Variants in TTC31 observed in about 807,000 individuals in gnomAD.
TTC31 encodes the protein tetratricopeptide repeat domain 31, also known as tetratricopeptide repeat protein 31.
A neutral mutation model predicts 60.4 loss-of-function variants in TTC31; 59 were observed. The observed-to-expected ratio is 0.98, with a 90% CI of 0.79 to 1.21. TTC31 has a LOEUF of 1.21. Ranked by LOEUF, TTC31 falls within the 50% of genes most tolerant of loss-of-function variation. TTC31 has a pLI of 0.00. For missense variants in TTC31, 672 were observed against 646.9 expected (o/e 1.04, Z -0.42); for synonymous variants, 225 against 249.6 (o/e 0.90, Z 0.93).
In TTC31 at chr2:74,490,363, C is replaced by G. The variant is rs200350242; in HGVS notation, c.352C>G (p.Gln118Glu). Reference protein sequence around the residue: ...GLRKSFLYPPQESEPCPQSPS... With the variant: ...GLRKSFLYPPEESEPCPQSPS... ...CCGCAAGTCCTTCCTGTATCCTCCC[C>G]AAGAGTCTGAGCCCTGCCCTCAAAG... Residue 118 changes from glutamine to glutamate, a missense_variant, in exon 4 of 13, where the codon CAA becomes GAA. Physicochemically the swap from Gln to Glu is conservative, Grantham distance 29. Transcript: ENST00000233623. The G allele has an allele frequency of 5.6e-6, 9 of 1,614,138 alleles. No individual in the cohort carries two copies. In the African/African-American group the frequency reaches 8.0e-5, roughly 14 times the overall value.
intron 2 of TTC31, among the ~76,000 whole-genome samples, chr2:74,488,113 T>C (rs932903019): frequency 6.6e-6 from 1 of 152,178 alleles, no homozygotes; most frequent in African/African-American, 2.4e-5. Flanking sequence ...TAGCTGGGAC[T>C]ATAGGCGTCC....
intron 2 of TTC31, among the ~76,000 whole-genome samples, chr2:74,485,173 C>A (rs1403719644): frequency 6.6e-6 from 1 of 151,868 alleles, no homozygotes; most frequent in African/African-American, 2.4e-5. Flanking sequence ...ATGGCAGACA[C>A]CCACCACCAC....
chr2:74,490,203 C>G lies in TTC31; in HGVS notation c.233-41C>G, dbSNP rs765351305. 10 of 1,611,732 alleles carry G rather than the reference C, an allele frequency of 6.2e-6. No homozygotes were observed. The South Asian group carries it at 8.8e-5, about 14-fold the overall frequency. On this transcript the variant is annotated intron_variant, in intron 3 of 12. Transcript: ENST00000233623. ...GGCTGACCCTCAGATGCACCCCGCT[C>G]TCATGTCCTTTCTTTCCTGTCTCTT... is the stretch of plus-strand genomic sequence containing the variant.
chr2:74,485,100 C>T (rs1672942227), intron 2 of TTC31, among the ~76,000 whole-genome samples: 1 of 149,210 alleles, frequency 6.7e-6, no homozygotes, highest in Non-Finnish European at 1.5e-5. Flanking sequence ...CATCTCTACT[C>T]ACTGCAACCT....
Position 74,493,282 on chromosome 2 carries a change from G to C in TTC31, c.*64G>C. 6.6e-7 allele frequency: 1 copy of C among 1,525,244 alleles called. No homozygotes were observed. 94.5% of individuals were successfully genotyped at this position (1,525,244 alleles called of 1,614,324 possible). ...ATCCCTTGGTGGGGGACATAGTGTG[G>C]TGACAGTTCACTGCATATTTTGAGA... On this transcript the variant is annotated 3_prime_UTR_variant, in exon 13 of 13. Transcript: ENST00000233623.
chr2:74,486,820 G>C (rs1673164054), intron 2 of TTC31, among the ~76,000 whole-genome samples: 2 of 151,998 alleles, frequency 1.3e-5, no homozygotes, highest in Non-Finnish European at 2.9e-5. Flanking sequence ...TTGAACCCTG[G>C]AGGCGGAGGT....
chr2:74,490,749 G>A lies in TTC31; in HGVS notation c.546+10G>A. 1 of 1,610,788 alleles carries A rather than the reference G, an allele frequency of 6.2e-7. No homozygotes were observed. The highest frequency in any genetic ancestry group is 8.5e-7 in the Non-Finnish European group (1 of 1,178,446). ...GCGACTCAAGAAGAAGGTGGCTAGA[G>A]CATGGCTGGAGGGTGCAGGGGAGCC... On this transcript the variant is annotated intron_variant, in intron 5 of 12. Coordinates refer to ENST00000233623, the MANE Select transcript of TTC31 (RefSeq NM_022492.6).
At chr2:74,492,109 C>T in intron 9 of TTC31, 30 bp from the exon 10 acceptor site, 1 of 1,614,186 alleles carries the variant, frequency 6.2e-7, no homozygotes, top group Non-Finnish European at 8.5e-7. Context: ...GTAGCCCCAT[C>T]TGAACCTTCT....
chr2:74,490,851 T>G, intron 5 of TTC31, 112 bp downstream of exon 5: 4 of 1,165,370 alleles, frequency 3.4e-6, no homozygotes, highest in Non-Finnish European at 4.9e-6. Flanking sequence ...GTGGACTCTC[T>G]TGCCAGGAGG....
At position 74,490,887 on chromosome 2, in the gene TTC31, G is replaced by T. The variant is rs12469716; in HGVS notation, c.546+148G>T. 4.3e-6 allele frequency: 4 copies of T among 929,290 alleles called. No homozygotes were observed. In the Admixed American group the frequency reaches 1.0e-4, roughly 24 times the overall value. The allele number at this position is 929,290 out of a possible 1,614,324, so 57.6% of individuals were successfully genotyped here. A position where few individuals can be genotyped will look rare whatever the true frequency, so the allele number is the denominator to read the frequency against. On this transcript the variant is annotated intron_variant, in intron 5 of 12. Coordinates refer to ENST00000233623, the MANE Select transcript of TTC31 (RefSeq NM_022492.6). ...ACACAAGGGGCCCAGGGACTGGGGG[G>T]TCTCTCACAGGCCATCTGGTGCAGT...
At chr2:74,486,631 G>A (rs1180100431) in intron 2 of TTC31, among the ~76,000 whole-genome samples, 3 of 152,252 alleles carry the variant, frequency 2.0e-5, no homozygotes, top group South Asian at 2.1e-4. Flanking sequence ...GGTGGCTCAC[G>A]CCTGTAATCC....
Position 74,487,659 on chromosome 2 carries a change from T to C in TTC31, c.130-2366T>C, listed in dbSNP as rs577419640. 4.6e-5 allele frequency among the ~76,000 whole-genome samples: 7 copies of C among 152,048 alleles called. No homozygotes were observed. The South Asian group carries it at 1.5e-3, about 32-fold the overall frequency. On this transcript the variant is annotated intron_variant, in intron 2 of 12. Coordinates refer to ENST00000233623, the MANE Select transcript of TTC31 (RefSeq NM_022492.6). ...CTGACATGGGGCAGAGAGCATGCTT[T>C]ATTTATTTATTATTAATTAATTAAT...
chr2:74,492,366 A>G lies in TTC31; in HGVS notation c.1082A>G (p.Asp361Gly). 6.4e-7 allele frequency: 1 copy of G among 1,551,042 alleles called. No individual in the cohort carries two copies. Among genetic ancestry groups the G allele is most frequent in the Non-Finnish European group, 8.7e-7 (1 of 1,147,518 alleles). ...RLGQPAWALA[D>G]AQVALTLRPG... is the part of the protein sequence containing the mutation. ...GGTCAGCCAGCGTGGGCCCTGGCTG[A>G]TGCCCAGGTGGCCCTTACCCTACGG... Residue 361 changes from aspartate to glycine, a missense_variant, in exon 11 of 13, where the codon GAT becomes GGT. Physicochemically the swap from Asp to Gly is moderately conservative, Grantham distance 94. Transcript: ENST00000233623.
intron 2 of TTC31, chr2:74,483,854 G>A: frequency 4.8e-6 from 1 of 208,600 alleles, no homozygotes. Flanking sequence ...GGTGGGTGGG[G>A]GATCTCTTGA....
rs1674200535 is a variant in TTC31, at chr2:74,493,778, G to GACCAC, written c.*560_*561insACCAC. ...CTGACCTCTCTTGTCCAGTGGTCTGGTGCTCACCTCCTCTCACTGCTAGAA... is the reference window on the plus strand; with the variant it reads ...CTGACCTCTCTTGTCCAGTGGTCTGGACCACTGCTCACCTCCTCTCACTGCTAGAA... On this transcript the variant is annotated 3_prime_UTR_variant, in exon 13 of 13. Transcript: ENST00000233623. 1 of 152,824 alleles carries GACCAC rather than the reference G, an allele frequency of 6.5e-6. No homozygotes were observed. Among genetic ancestry groups the GACCAC allele is most frequent in the Admixed American group, 6.5e-5 (1 of 15,320 alleles). 9.5% of individuals were successfully genotyped at this position (152,824 alleles called of 1,614,324 possible).
At chr2:74,491,928 A>T in intron 8 of TTC31, 76 bp from the exon 9 acceptor site, 1 of 1,608,050 alleles carries the variant, frequency 6.2e-7, no homozygotes, top group Non-Finnish European at 8.5e-7. Flanking sequence ...TTGCAGTGTT[A>T]CCTGTTTAAA....
intron 2 of TTC31, chr2:74,483,771 GTTA>G (rs1389428035): frequency 2.6e-6 from 1 of 387,408 alleles, no homozygotes. Context: ...GAGCCCAGGA[GTTA>G]GAGACCAGCC....
At position 74,490,748 on chromosome 2, in the gene TTC31, A is replaced by G; in HGVS notation, c.546+9A>G. On this transcript the variant is annotated intron_variant, in intron 5 of 12. Transcript: ENST00000233623. ...AGCGACTCAAGAAGAAGGTGGCTAG[A>G]GCATGGCTGGAGGGTGCAGGGGAGC... 1 of 1,611,042 alleles carries G rather than the reference A, an allele frequency of 6.2e-7. No individual in the cohort carries two copies. Among genetic ancestry groups the G allele is most frequent in the Non-Finnish European group, 8.5e-7 (1 of 1,178,576 alleles).
chr2:74,490,250 T>C lies in TTC31; in HGVS notation c.239T>C (p.Leu80Pro). The C allele has an allele frequency of 6.2e-7, 1 of 1,613,788 alleles. No homozygotes were observed. Among genetic ancestry groups the C allele is most frequent in the South Asian group, 1.1e-5 (1 of 91,062 alleles). ...GRLQLWHHDY[L>P]LGHLDDEGKS... ...TCTTTCTCCCTCCTGACAGATTACC[T>C]CCTGGGCCACTTGGATGATGAAGGG... Residue 80 changes from leucine to proline, a missense_variant, in exon 4 of 13, where the codon CTC (leucine) becomes CCC (proline). Physicochemically the swap from Leu to Pro is moderately conservative, Grantham distance 98 (BLOSUM62 -3). Transcript: ENST00000233623.
Sources: gnomAD v4.1 joint callset for allele counts (sites outside exome capture counted in the v4.1 genomes callset) on GRCh38, gnomAD v4.1.1 for gene constraint, MANE v1.5 for transcripts, NCBI Gene and HGNC (gene_info 2026-07-23, HGNC 2026-07-21) for gene names.